The following ARHGAP28 variants were observed in gnomAD, a reference collection of about 807,000 sequenced individuals.
The protein encoded by ARHGAP28 is Rho GTPase activating protein 28.
In ARHGAP28, 56 loss-of-function variants were observed where a neutral mutation model predicts 90.7. The ratio of observed to expected loss-of-function variants is 0.62; its 90% CI spans 0.50 to 0.77. The LOEUF (loss-of-function observed/expected upper bound fraction) is 0.77. ARHGAP28 is among the 30% of genes least tolerant of loss of function. ARHGAP28 has a pLI of 0.00. For synonymous variants in ARHGAP28, 308 were observed against 323.3 expected, an observed-to-expected ratio of 0.95 and a Z score of 0.51; for missense variants, 869 against 900.9, an observed-to-expected ratio of 0.96 and a Z score of 0.45.
chr18:6,748,004 T>A (rs2056038155), intron 1 of ARHGAP28, among the ~76,000 whole-genome samples: 1 of 152,190 alleles, frequency 6.6e-6, no homozygotes, highest in African/African-American at 2.4e-5. Flanking sequence ...ATTATGTGAA[T>A]GCAAAAATAT....
rs886878169 is a variant in ARHGAP28 at position 6,877,444 on chromosome 18, G to A, written c.1290+1236G>A. Among the ~76,000 whole-genome samples, 4 of 152,230 alleles carry A rather than the reference G, an allele frequency of 2.6e-5. No homozygotes were observed. In the South Asian group the frequency reaches 6.2e-4, roughly 24 times the overall value. On this transcript the variant is annotated intron_variant, in intron 10 of 17. Transcript: ENST00000383472. ...GGCCCTGGTACCCATGCCTCACCCC[G>A]TCGTGGGCTGGGGCTTCCTGCAGAA...
intron 1 of ARHGAP28, among the ~76,000 whole-genome samples, chr18:6,772,774 G>A (rs1187421768): frequency 6.7e-6 from 1 of 149,690 alleles, no homozygotes; most frequent in African/African-American, 2.5e-5. Flanking sequence ...CGCTCTTGTT[G>A]CCCAGGCTGG....
At chr18:6,890,602 G>T (rs575759759) in intron 14 of ARHGAP28, 59 bp downstream of exon 14, 20 of 1,043,158 alleles carry the variant, frequency 1.9e-5, no homozygotes, top group East Asian at 2.4e-5. Context: ...CTCCTCAAAG[G>T]GGGGCACAAA....
chr18:6,834,928 G>C (rs150231174), intron 2 of ARHGAP28, among the ~76,000 whole-genome samples: 1 of 152,186 alleles, frequency 6.6e-6, no homozygotes, highest in African/African-American at 2.4e-5. Flanking sequence ...TACGAGTTCA[G>C]GTTTGAACAC....
intron 1 of ARHGAP28, among the ~76,000 whole-genome samples, chr18:6,823,232 A>G (rs770833602): frequency 1.9e-4 from 29 of 151,954 alleles, no homozygotes; most frequent in South Asian, 4.2e-4. Flanking sequence ...TCCCACTCCT[A>G]TCCTCTGGAA....
chr18:6,842,139 AG>A (rs1383681926), intron 3 of ARHGAP28, among the ~76,000 whole-genome samples: 1 of 152,170 alleles, frequency 6.6e-6, no homozygotes, highest in Non-Finnish European at 1.5e-5. Flanking sequence ...GCTTGAACTC[AG>A]GAGTTTGAGA....
chr18:6,804,720 A>G (rs1397822652), intron 1 of ARHGAP28, among the ~76,000 whole-genome samples: 2 of 152,196 alleles, frequency 1.3e-5, no homozygotes, highest in South Asian at 2.1e-4. Context: ...TTTTCCAGAT[A>G]TCTTTCCATT....
At chr18:6,895,812 T>C (rs1406122043) in intron 15 of ARHGAP28, among the ~76,000 whole-genome samples, 1 of 152,216 alleles carries the variant, frequency 6.6e-6, no homozygotes, top group Non-Finnish European at 1.5e-5. Flanking sequence ...TTTTGTCTTT[T>C]GGGGAGACAC....
In ARHGAP28 at chr18:6,808,444, C is replaced by G. The variant is rs191811448; in HGVS notation, c.123-16318C>G. Among the ~76,000 whole-genome samples the G allele has an allele frequency of 1.8e-4, 28 of 151,742 alleles. No homozygotes were observed. In the East Asian group the frequency reaches 5.0e-3, roughly 27 times the overall value. ...TTCTTCTCATTATTTGTTCCTTTTT[C>G]TTTCTTTTTCATTTATTAAGTAATT... On this transcript the variant is annotated intron_variant, in intron 1 of 17. Transcript: ENST00000383472.
At chr18:6,797,022 G>A (rs1456037396) in intron 1 of ARHGAP28, among the ~76,000 whole-genome samples, 1 of 152,146 alleles carries the variant, frequency 6.6e-6, no homozygotes, top group Non-Finnish European at 1.5e-5. Flanking sequence ...CCCACCAGAG[G>A]GAGAAATTTA....
chr18:6,875,521 A>C (rs1180354627), intron 9 of ARHGAP28, among the ~76,000 whole-genome samples: 2 of 152,212 alleles, frequency 1.3e-5, no homozygotes, highest in African/African-American at 4.8e-5. Context: ...TGTTCTCCTT[A>C]GTCTCCTTAG....
At chr18:6,837,466 G>A (rs1300317515) in intron 3 of ARHGAP28, 52 bp downstream of exon 3, 2 of 1,096,634 alleles carry the variant, frequency 1.8e-6, no homozygotes, top group East Asian at 2.4e-5. Context: ...GACTGGGGAT[G>A]GGGTAGGGTG....
intron 1 of ARHGAP28, among the ~76,000 whole-genome samples, chr18:6,755,484 A>C (rs536342736): frequency 1.3e-4 from 20 of 152,332 alleles, no homozygotes; most frequent in African/African-American, 4.6e-4. Flanking sequence ...AGCATTGTCA[A>C]GCTCATGATG....
In ARHGAP28 at chr18:6,859,638, C is replaced by T. The variant is rs572593488; in HGVS notation, c.637-170C>T. ...GTGTCCTTAGAGGGCTGGGCACCTA[C>T]GTGGCACATAATAGTGCTGCACTAC... On this transcript the variant is annotated intron_variant, in intron 4 of 17. Transcript: ENST00000383472. Among the ~76,000 whole-genome samples, 12 of 152,296 alleles carry T rather than the reference C, an allele frequency of 7.9e-5. No individual in the cohort carries two copies. In the South Asian group the frequency reaches 2.1e-3, roughly 26 times the overall value.
At chr18:6,868,725 C>A (rs1227767807) in intron 6 of ARHGAP28, among the ~76,000 whole-genome samples, 1 of 151,968 alleles carries the variant, frequency 6.6e-6, no homozygotes, top group Non-Finnish European at 1.5e-5. Context: ...GAAATAGGCC[C>A]CTTTTGGCCA....
chr18:6,810,283 G>A (rs564083771), intron 1 of ARHGAP28, among the ~76,000 whole-genome samples: 1 of 152,108 alleles, frequency 6.6e-6, no homozygotes. Context: ...TCAGGAGAGG[G>A]CACCTAAAAT....
chr18:6,736,619 C>A (rs576268385), intron 1 of ARHGAP28, among the ~76,000 whole-genome samples: 1 of 151,374 alleles, frequency 6.6e-6, no homozygotes, highest in Non-Finnish European at 1.5e-5. Flanking sequence ...TGATGGTGGG[C>A]GCCTGTAATC....
At chr18:6,792,194 CTT>C (rs2056411557) in intron 1 of ARHGAP28, among the ~76,000 whole-genome samples, 1 of 152,134 alleles carries the variant, frequency 6.6e-6, no homozygotes, top group Non-Finnish European at 1.5e-5. Flanking sequence ...TGTGAGAAGA[CTT>C]TTGTAACTGA....
At chr18:6,849,872 T>C (rs983579976) in intron 3 of ARHGAP28, among the ~76,000 whole-genome samples, 7 of 152,214 alleles carry the variant, frequency 4.6e-5, no homozygotes, top group Admixed American at 6.5e-5. Flanking sequence ...CTGATAACTC[T>C]TGCTTTCCTT....
Sources: gnomAD v4.1 joint callset for allele counts (sites outside exome capture counted in the v4.1 genomes callset) on GRCh38, gnomAD v4.1.1 for gene constraint, MANE v1.5 for transcripts, NCBI Gene and HGNC (gene_info 2026-07-23, HGNC 2026-07-21) for gene names.